Variants in PRKCB observed in about 807,000 individuals in gnomAD.
The protein encoded by PRKCB is protein kinase C beta type.
In PRKCB, 13 loss-of-function variants were observed where a neutral mutation model predicts 81.5. That is an observed-to-expected ratio of 0.16 (90% CI 0.10 to 0.25). The LOEUF is 0.25. PRKCB is among the 10% of genes least tolerant of loss of function. The probability of loss-of-function intolerance (pLI) is 1.00; values close to 1 mark genes in which losing one functional copy is unlikely to be tolerated. For missense variants in PRKCB, 509 were observed against 875.7 expected (o/e 0.58, Z 5.29); for synonymous variants, 335 against 321.4 (o/e 1.04, Z -0.45).
At chr16:24,127,303 G>A (rs1010326816) in intron 9 of PRKCB, among the ~76,000 whole-genome samples, 3 of 152,040 alleles carry the variant, frequency 2.0e-5, no homozygotes, top group Non-Finnish European at 4.4e-5. Context: ...ACCACGCCCG[G>A]CCATGATATT....
chr16:23,920,630 G>A (rs1043560036), intron 2 of PRKCB, among the ~76,000 whole-genome samples: 4 of 152,196 alleles, frequency 2.6e-5, no homozygotes, highest in Non-Finnish European at 4.4e-5. Context: ...CCTGTCAGGC[G>A]GTGTGTGGGA....
rs774613979 is a variant in PRKCB at position 24,091,902 on chromosome 16, C to CT, written c.530-888dup. 2.6e-5 allele frequency among the ~76,000 whole-genome samples: 4 copies of CT among 152,184 alleles called. No individual in the cohort carries two copies. In the East Asian group the frequency reaches 5.8e-4, roughly 22 times the overall value. On this transcript the variant is annotated intron_variant, in intron 5 of 16. Coordinates refer to ENST00000643927, the MANE Select transcript of PRKCB (RefSeq NM_002738.7). ...TGCTGACATTGTTCCAGCCTTCTCT[C>CT]TATGGGCTGTCTGGGTGCTGGTTAT...
chr16:24,212,461 C>CTTTTTTTTTTTTTTTTTTTT (rs975667798), intron 16 of PRKCB, among the ~76,000 whole-genome samples: 2 of 78,042 alleles, frequency 2.6e-5, no homozygotes, highest in African/African-American at 4.9e-5. Context: ...CTTTTTTTTC[C>CTTTTTTTTTTTTTTTTTTTT]TTTTTTTTTT....
At chr16:24,057,447 C>T (rs1965917925) in intron 5 of PRKCB, among the ~76,000 whole-genome samples, 1 of 152,110 alleles carries the variant, frequency 6.6e-6, no homozygotes. Flanking sequence ...AAAGAGCTTT[C>T]CTTTCATACC....
chr16:24,001,935 C>G (rs1180012396), intron 3 of PRKCB, among the ~76,000 whole-genome samples: 2 of 152,160 alleles, frequency 1.3e-5, no homozygotes, highest in Non-Finnish European at 2.9e-5. Flanking sequence ...CCAGTACTTG[C>G]AAGATACTTT....
chr16:23,853,350 T>C (rs1962505518), intron 2 of PRKCB, among the ~76,000 whole-genome samples: 1 of 152,100 alleles, frequency 6.6e-6, no homozygotes, highest in Non-Finnish European at 1.5e-5. Flanking sequence ...GTCCTCCCCA[T>C]TGGGCCAGTG....
At chr16:24,048,652 G>C (rs1965797035) in intron 5 of PRKCB, among the ~76,000 whole-genome samples, 1 of 152,032 alleles carries the variant, frequency 6.6e-6, no homozygotes. Flanking sequence ...ACCATGCCCA[G>C]CTAATTTTTT....
chr16:23,979,930 A>T (rs992311106), intron 2 of PRKCB, among the ~76,000 whole-genome samples: 1 of 152,116 alleles, frequency 6.6e-6, no homozygotes, highest in Non-Finnish European at 1.5e-5. Flanking sequence ...GAAAAAACTT[A>T]AAAAATTAGC....
intron 9 of PRKCB, among the ~76,000 whole-genome samples, chr16:24,127,413 A>G (rs538590307): frequency 1.6e-3 from 250 of 152,322 alleles, no homozygotes; most frequent in African/African-American, 5.5e-3. Flanking sequence ...TCTTTCTCTG[A>G]CCACTTACTG....
chr16:23,930,355 G>A (rs1963953835), intron 2 of PRKCB, among the ~76,000 whole-genome samples: 1 of 152,016 alleles, frequency 6.6e-6, no homozygotes, highest in Non-Finnish European at 1.5e-5. Flanking sequence ...GATCACTTGA[G>A]CCCAGGAGTT....
chr16:23,911,131 T>TTTTTTTTTTTTTTTG (rs1963646904), intron 2 of PRKCB, among the ~76,000 whole-genome samples: 1 of 94,232 alleles, frequency 1.1e-5, no homozygotes, highest in Non-Finnish European at 2.1e-5. Flanking sequence ...ATATATGCTT[T>TTTTTTTTTTTTTTTG]TTTTTTTTTT....
chr16:24,042,614 A>G (rs961926339), intron 5 of PRKCB, among the ~76,000 whole-genome samples: 4 of 152,130 alleles, frequency 2.6e-5, no homozygotes, highest in African/African-American at 9.7e-5. Flanking sequence ...AGTAAACTGC[A>G]GACACCAATT....
At chr16:24,147,046 T>C (rs767659150) in intron 9 of PRKCB, among the ~76,000 whole-genome samples, 4 of 152,042 alleles carry the variant, frequency 2.6e-5, no homozygotes, top group Non-Finnish European at 2.9e-5. Context: ...CGGTGGCTCA[T>C]GCCTGTAATC....
intron 2 of PRKCB, among the ~76,000 whole-genome samples, chr16:23,950,523 TG>T (rs1964266889): frequency 6.6e-6 from 1 of 152,230 alleles, no homozygotes; most frequent in Non-Finnish European, 1.5e-5. Context: ...GGACAAGCTG[TG>T]TGGCCTCAGA....
chr16:23,867,027 TCCTTCCTTCCTTCCTTCCTTCCTTC>T (rs1381311005), intron 2 of PRKCB, among the ~76,000 whole-genome samples: 2,430 of 99,302 alleles, frequency 0.024, 35 homozygotes, highest in African/African-American at 0.047. Context: ...CTTCCTTCCT[TCCTTCCTTCCTTCCTTCCTTCCTTC>T]TCTCTCTCTC....
chr16:24,152,865 G>T (rs917689479), intron 9 of PRKCB, among the ~76,000 whole-genome samples: 1 of 148,618 alleles, frequency 6.7e-6, no homozygotes, highest in Non-Finnish European at 1.5e-5. Context: ...ATTGTGCTGG[G>T]GAAGAAAGAG....
chr16:23,890,928 T>C (rs190924305), intron 2 of PRKCB, among the ~76,000 whole-genome samples: 233 of 152,192 alleles, frequency 1.5e-3, no homozygotes, highest in African/African-American at 5.4e-3. Context: ...TGAAGATGAA[T>C]GGGACATTTA....
At chr16:24,189,442 T>G (rs1175124439) in intron 15 of PRKCB, among the ~76,000 whole-genome samples, 4 of 151,852 alleles carry the variant, frequency 2.6e-5, no homozygotes, top group African/African-American at 9.7e-5. Flanking sequence ...ATCGAGACCA[T>G]CCTGGCTAAC....
intron 10 of PRKCB, among the ~76,000 whole-genome samples, chr16:24,160,749 C>A (rs1967241838): frequency 6.6e-6 from 1 of 151,962 alleles, no homozygotes; most frequent in South Asian, 2.1e-4. Flanking sequence ...TGGATTGGGG[C>A]AGAGAGATGC....
Sources: gnomAD v4.1 joint callset for allele counts (sites outside exome capture counted in the v4.1 genomes callset) on GRCh38, gnomAD v4.1.1 for gene constraint, MANE v1.5 for transcripts, NCBI Gene and HGNC (gene_info 2026-07-23, HGNC 2026-07-21) for gene names.